Variants in CHRNA7 observed in about 807,000 individuals in gnomAD.
The protein encoded by CHRNA7 is neuronal acetylcholine receptor subunit alpha-7.
In CHRNA7, 17 loss-of-function variants were observed where a neutral mutation model predicts 48.0. The observed-to-expected ratio is 0.35, with a 90% confidence interval of 0.24 to 0.53. The LOEUF (loss-of-function observed/expected upper bound fraction) is 0.53, where lower values mean the gene tolerates loss of function less well. CHRNA7 is among the 20% of genes least tolerant of loss of function. The pLI is 0.92. For missense variants in CHRNA7, 155 were observed against 577.7 expected (o/e 0.27, Z 7.50); for synonymous variants, 75 against 242.3 (o/e 0.31, Z 6.41).
At chr15:32,061,157 G>A in intron 2 of CHRNA7, among the ~76,000 whole-genome samples, 1 of 152,212 alleles carries the variant, frequency 6.6e-6, no homozygotes, top group Non-Finnish European at 1.5e-5. Context: ...GGTGCTTGTA[G>A]GAGTGGAACC....
intron 2 of CHRNA7, among the ~76,000 whole-genome samples, chr15:32,058,378 G>T (rs949761487): frequency 6.6e-6 from 1 of 152,184 alleles, no homozygotes; most frequent in Non-Finnish European, 1.5e-5. Context: ...TTGGATTAAA[G>T]TAAAAACTGA....
At chr15:32,047,847 C>G (rs1320596088) in intron 2 of CHRNA7, among the ~76,000 whole-genome samples, 1 of 152,168 alleles carries the variant, frequency 6.6e-6, no homozygotes, top group Non-Finnish European at 1.5e-5. Context: ...TACATCCCAT[C>G]AATACCTAAT....
chr15:32,148,995 C>T (rs540858867), intron 4 of CHRNA7, among the ~76,000 whole-genome samples: 1 of 152,262 alleles, frequency 6.6e-6, no homozygotes, highest in African/African-American at 2.4e-5. Context: ...TTACATTTGC[C>T]CCAGTCACCC....
intron 2 of CHRNA7, among the ~76,000 whole-genome samples, chr15:32,064,443 A>G (rs1488161538): frequency 6.6e-6 from 1 of 151,096 alleles, no homozygotes; most frequent in Non-Finnish European, 1.5e-5. Context: ...AGCCTTTCTC[A>G]TGATGATAGG....
intron 2 of CHRNA7, among the ~76,000 whole-genome samples, chr15:32,040,120 A>G (rs2049420427): frequency 1.3e-5 from 2 of 151,938 alleles, no homozygotes. Flanking sequence ...TCCATAAGAC[A>G]CTGTTAATTT....
chr15:32,066,253 GAT>G (rs2049964126), intron 2 of CHRNA7, among the ~76,000 whole-genome samples: 2 of 151,996 alleles, frequency 1.3e-5, no homozygotes, highest in Admixed American at 1.3e-4. Flanking sequence ...AGGGTTGGAG[GAT>G]ATACTTTCCA....
At chr15:32,131,434 TCTTTC>T (rs1388315213) in intron 4 of CHRNA7, among the ~76,000 whole-genome samples, 1 of 152,168 alleles carries the variant, frequency 6.6e-6, no homozygotes, top group Admixed American at 6.5e-5. Context: ...CAAGTCAGAT[TCTTTC>T]CTTTGCTATC....
chr15:32,087,797 C>T (rs573148404), intron 2 of CHRNA7, among the ~76,000 whole-genome samples: 10 of 152,296 alleles, frequency 6.6e-5, no homozygotes, highest in Middle Eastern at 6.8e-3. Flanking sequence ...TGCTGATACA[C>T]AGTTCCTTGC....
At chr15:32,112,045 G>A (rs2050770985) in intron 4 of CHRNA7, 146 bp downstream of exon 4, 1 of 663,182 alleles carries the variant, frequency 1.5e-6, no homozygotes, top group South Asian at 1.8e-5. Flanking sequence ...GAGCGGCCAG[G>A]CCTTTGAGAA....
chr15:32,041,554 G>A lies in CHRNA7; in HGVS notation c.195+10517G>A, dbSNP rs116034112. On this transcript the variant is annotated intron_variant, in intron 2 of 9. Coordinates refer to ENST00000306901, the MANE Select transcript of CHRNA7 (RefSeq NM_000746.6). ...CTGGTGTGTGGCCCAGTTCCTAACA[G>A]TCCAGGTGACAGGTACTGGCCTGTG... 1.6e-3 allele frequency among the ~76,000 whole-genome samples: 248 copies of A among 152,348 alleles called. 2 individuals are homozygous for A. Among genetic ancestry groups the A allele is most frequent in the African/African-American group, 5.6e-3 (231 of 41,572 alleles).
intron 4 of CHRNA7, among the ~76,000 whole-genome samples, chr15:32,113,025 C>T (rs1200526700): frequency 6.6e-6 from 1 of 152,056 alleles, no homozygotes; most frequent in Non-Finnish European, 1.5e-5. Context: ...AAACATGTGC[C>T]TTTCCATGCC....
chr15:32,125,837 A>C (rs904951), intron 4 of CHRNA7, among the ~76,000 whole-genome samples: 1 of 151,928 alleles, frequency 6.6e-6, no homozygotes, highest in Non-Finnish European at 1.5e-5. Context: ...CCTGCTGGGC[A>C]TGAATGCCAG....
chr15:32,124,358 T>C (rs1460382309), intron 4 of CHRNA7, among the ~76,000 whole-genome samples: 1 of 152,212 alleles, frequency 6.6e-6, no homozygotes, highest in Non-Finnish European at 1.5e-5. Flanking sequence ...TGAATAATTA[T>C]GTTGCAGTGT....
intron 4 of CHRNA7, among the ~76,000 whole-genome samples, chr15:32,126,320 A>G (rs1441733456): frequency 6.6e-6 from 1 of 152,188 alleles, no homozygotes; most frequent in Non-Finnish European, 1.5e-5. Flanking sequence ...ATGGCTTCAT[A>G]AAGACCTGTG....
At chr15:32,137,227 G>A (rs956654804) in intron 4 of CHRNA7, among the ~76,000 whole-genome samples, 35 of 151,700 alleles carry the variant, frequency 2.3e-4, no homozygotes, top group African/African-American at 7.8e-4. Context: ...TAAATCGAAC[G>A]ATAGACTGTT....
At chr15:32,088,660 T>A (rs2050336650) in intron 2 of CHRNA7, among the ~76,000 whole-genome samples, 1 of 152,218 alleles carries the variant, frequency 6.6e-6, no homozygotes, top group South Asian at 2.1e-4. Context: ...TGTTATAATT[T>A]ACATGTCCAT....
chr15:32,061,669 G>A (rs1031072635), intron 2 of CHRNA7, among the ~76,000 whole-genome samples: 3 of 152,222 alleles, frequency 2.0e-5, no homozygotes, highest in South Asian at 2.1e-4. Context: ...TTAGCCGGGC[G>A]TGGTGGCAGG....
intron 4 of CHRNA7, among the ~76,000 whole-genome samples, chr15:32,141,904 C>G (rs1020781471): frequency 3.3e-5 from 5 of 152,140 alleles, no homozygotes; most frequent in African/African-American, 1.2e-4. Context: ...TATTTGAATA[C>G]CCTTTATTTC....
chr15:32,060,289 T>G (rs912182725), intron 2 of CHRNA7, among the ~76,000 whole-genome samples: 1 of 152,302 alleles, frequency 6.6e-6, no homozygotes, highest in African/African-American at 2.4e-5. Flanking sequence ...TCTAAGATAC[T>G]TTTCTATATC....
Sources: gnomAD v4.1 joint callset for allele counts (sites outside exome capture counted in the v4.1 genomes callset) on GRCh38, gnomAD v4.1.1 for gene constraint, MANE v1.5 for transcripts, NCBI Gene and HGNC (gene_info 2026-07-23, HGNC 2026-07-21) for gene names.